Variants in TACC2 observed in about 807,000 individuals in gnomAD.
TACC2 encodes the protein transforming acidic coiled-coil-containing protein 2.
Under a neutral mutation model 227.3 loss-of-function variants are expected in TACC2, and 137 were observed. The ratio of observed to expected loss-of-function variants is 0.60; its 90% confidence interval spans 0.52 to 0.69. The LOEUF is 0.69. Among genes scored for constraint, TACC2 ranks in the 30% least tolerant of loss-of-function variants. TACC2 has a pLI of 0.00. For synonymous variants in TACC2, 1,523 were observed against 1,487.5 expected (o/e 1.02, Z -0.55); for missense variants, 3,470 against 3,694.4 (o/e 0.94, Z 1.57).
intron 8 of TACC2, among the ~76,000 whole-genome samples, chr10:122,206,135 G>A (rs1444807893): frequency 1.3e-5 from 2 of 152,194 alleles, no homozygotes; most frequent in African/African-American, 4.8e-5. Context: ...TGCGGGGGCT[G>A]GCAGCAAGTG....
intron 7 of TACC2, among the ~76,000 whole-genome samples, chr10:122,192,231 G>A (rs1270876906): frequency 6.6e-6 from 1 of 152,242 alleles, no homozygotes. Context: ...CCACAAAGAG[G>A]CTTGGTGTGC....
intron 19 of TACC2, 151 bp downstream of exon 19, chr10:122,242,152 C>T (rs1249556089): frequency 1.5e-5 from 11 of 745,874 alleles, no homozygotes; most frequent in Admixed American, 4.3e-5. Flanking sequence ...TATGGCTTTG[C>T]CCCAGGACAG....
chr10:122,244,681 C>G (rs1162980417), intron 19 of TACC2, among the ~76,000 whole-genome samples: 1 of 152,062 alleles, frequency 6.6e-6, no homozygotes, highest in Non-Finnish European at 1.5e-5. Flanking sequence ...AACCAGCATC[C>G]CTTGTGAAAG....
intron 2 of TACC2, among the ~76,000 whole-genome samples, chr10:122,046,360 G>A (rs1045620082): frequency 2.6e-5 from 4 of 151,998 alleles, no homozygotes; most frequent in African/African-American, 9.7e-5. Flanking sequence ...TGTAGTCCCA[G>A]CTGCTCGGGA....
chr10:122,076,530 A>T (rs2078829525), intron 3 of TACC2, among the ~76,000 whole-genome samples: 1 of 152,200 alleles, frequency 6.6e-6, no homozygotes, highest in Non-Finnish European at 1.5e-5. Context: ...TATGTTAGGA[A>T]ATCTTCTAAT....
intron 7 of TACC2, among the ~76,000 whole-genome samples, chr10:122,160,813 T>C (rs1190511637): frequency 1.3e-5 from 2 of 152,224 alleles, no homozygotes; most frequent in Admixed American, 6.5e-5. Context: ...TTAAATTGTT[T>C]GTAAAGTCAG....
intron 2 of TACC2, among the ~76,000 whole-genome samples, chr10:122,048,316 T>C (rs1321615522): frequency 4.6e-5 from 7 of 151,928 alleles, no homozygotes; most frequent in Non-Finnish European, 1.0e-4. Context: ...CCTGCAGCCA[T>C]GGGACTGGGG....
At chr10:122,090,892 C>G (rs752597828) in intron 5 of TACC2, among the ~76,000 whole-genome samples, 1 of 152,140 alleles carries the variant, frequency 6.6e-6, no homozygotes, top group Non-Finnish European at 1.5e-5. Flanking sequence ...CAGGTGTGCA[C>G]CACCATGCTC....
At chr10:122,229,233 A>G (rs2095687489) in intron 14 of TACC2, 113 bp from the exon 15 acceptor site, 4 of 1,253,280 alleles carry the variant, frequency 3.2e-6, no homozygotes, top group Non-Finnish European at 4.5e-6. Flanking sequence ...TACTCTCTTT[A>G]GCCTCAAGGC....
At chr10:122,207,086 G>A (rs1178156684) in intron 8 of TACC2, among the ~76,000 whole-genome samples, 1 of 151,866 alleles carries the variant, frequency 6.6e-6, no homozygotes, top group Non-Finnish European at 1.5e-5. Flanking sequence ...ATCACTTGAG[G>A]TCAGGAGTTC....
intron 3 of TACC2, among the ~76,000 whole-genome samples, chr10:122,073,124 AAAATATAT>A (rs1241327481): frequency 9.1e-5 from 6 of 66,064 alleles, no homozygotes; most frequent in Non-Finnish European, 1.3e-4. Context: ...AAAAAAAAAA[AAAATATAT>A]ATATATATAT....
intron 11 of TACC2, among the ~76,000 whole-genome samples, chr10:122,217,361 G>A (rs1468688524): frequency 6.6e-6 from 1 of 151,694 alleles, no homozygotes; most frequent in East Asian, 1.9e-4. Context: ...ATGGGCTCCG[G>A]ACAACTTTGC....
chr10:122,079,104 G>A (rs1256076433), intron 3 of TACC2: 1 of 152,212 alleles, frequency 6.6e-6, no homozygotes, highest in Non-Finnish European at 1.5e-5. Flanking sequence ...ATAAATAGGA[G>A]CACTTCATTT....
chr10:122,132,001 G>T (rs907025486), intron 5 of TACC2, among the ~76,000 whole-genome samples: 1 of 149,582 alleles, frequency 6.7e-6, no homozygotes, highest in Non-Finnish European at 1.5e-5. Context: ...CAGCCTGGGT[G>T]ACAGAGCGAG....
intron 7 of TACC2, among the ~76,000 whole-genome samples, chr10:122,161,213 G>A (rs954932443): frequency 1.3e-5 from 2 of 152,160 alleles, no homozygotes; most frequent in Non-Finnish European, 1.5e-5. Context: ...TGGGATTACA[G>A]ATGTGAGCCA....
Position 122,050,708 on chromosome 10 carries a change from C to G in TACC2, c.146+158C>G. On this transcript the variant is annotated intron_variant, in intron 3 of 22. Transcript: ENST00000369005. This position sits in a 1 kb window ranked among gnomAD's most constrained non-coding sequence, Gnocchi z 4.6. ...ATGTTCCAAGCAGTGGTTCACAGAC[C>G]TCTCTGTGACTGGCTAGGCCTGCAT... The G allele has an allele frequency of 1.7e-6, 1 of 602,640 alleles. No homozygotes were observed. The highest frequency in any genetic ancestry group is 3.0e-6 in the Non-Finnish European group (1 of 335,874). 37.3% of individuals were successfully genotyped at this position (602,640 alleles called of 1,614,324 possible).
chr10:122,114,237 G>A (rs1314529628), intron 5 of TACC2, among the ~76,000 whole-genome samples: 3 of 152,172 alleles, frequency 2.0e-5, no homozygotes, highest in Non-Finnish European at 4.4e-5. Flanking sequence ...TGTTACCGGA[G>A]AGAACTCTCC....
chr10:122,226,325 C>A, intron 12 of TACC2, 41 bp from the exon 13 acceptor site: 2 of 1,432,562 alleles, frequency 1.4e-6, no homozygotes, highest in Non-Finnish European at 2.0e-6. Context: ...CACGTTCAGG[C>A]CAACTGTACC....
chr10:121,994,809 T>A (rs570760889), intron 1 of TACC2: 1 of 152,380 alleles, frequency 6.6e-6, no homozygotes, highest in Admixed American at 6.5e-5. Flanking sequence ...ATTGCTTGTT[T>A]GCTTTCCTTA....
Sources: gnomAD v4.1 joint callset for allele counts (sites outside exome capture counted in the v4.1 genomes callset) on GRCh38, gnomAD v4.1.1 for gene constraint, Gnocchi (gnomAD v3.1) non-coding constraint, MANE v1.5 for transcripts, NCBI Gene and HGNC (gene_info 2026-07-23, HGNC 2026-07-21) for gene names.